The following UPF2 variants were observed in gnomAD, a reference collection of about 807,000 sequenced individuals.
UPF2 encodes the protein regulator of nonsense transcripts 2.
UPF2 carries 17 observed loss-of-function variants against 141.4 expected under a neutral mutation model. The ratio of observed to expected loss-of-function variants is 0.12; its 90% confidence interval spans 0.08 to 0.18. The LOEUF is 0.18. Ranked by LOEUF, UPF2 falls within the 10% of genes least tolerant of loss-of-function variation. UPF2 has a pLI of 1.00. For missense variants in UPF2, 1,152 were observed against 1,515.9 expected (o/e 0.76, Z 3.99); for synonymous variants, 540 against 498.0 (o/e 1.08, Z -1.12).
intron 12 of UPF2, among the ~76,000 whole-genome samples, chr10:11,958,828 G>A (rs186522415): frequency 3.9e-5 from 6 of 152,164 alleles, no homozygotes; most frequent in East Asian, 1.9e-4. Context: ...CTCTTATAAC[G>A]TCTACTAAAG....
chr10:12,029,094 A>G lies in UPF2; in HGVS notation c.796T>C (p.Leu266=), dbSNP rs1458137924. ...TPNITKLRTD[L]RFIAELTIVG... ...ATTGTCAATTCTGCAATAAAACGCA[A>G]ATCAGTTCTTAACTTGGTGATGTTA... Residue 266 remains leucine (L), a synonymous_variant, in exon 3 of 22, where the codon TTG becomes CTG. Coordinates refer to ENST00000357604, the MANE Select transcript of UPF2 (RefSeq NM_015542.4). The G allele has an allele frequency of 6.2e-7, 1 of 1,614,178 alleles. No homozygotes were observed. The highest frequency in any genetic ancestry group is 8.5e-7 in the Non-Finnish European group (1 of 1,180,030).
rs760384885 is a variant in UPF2, at chr10:12,016,237, A to G, written c.1146-2053T>C. ...AAAAAATTTTTTTTAATTTACTTTT[A>G]TTTTTTGTAGAGACGGGAGTCTGGC... On this transcript the variant is annotated intron_variant, in intron 3 of 21. Coordinates refer to ENST00000357604, the MANE Select transcript of UPF2 (RefSeq NM_015542.4). This position sits in a 1 kb window ranked among gnomAD's most constrained non-coding sequence, Gnocchi z 4.1. Among the ~76,000 whole-genome samples, 1 of 152,080 alleles carries G rather than the reference A, an allele frequency of 6.6e-6. No homozygotes were observed. The highest frequency in any genetic ancestry group is 1.5e-5 in the Non-Finnish European group (1 of 68,002).
chr10:11,948,434 C>G lies in UPF2; in HGVS notation c.3109G>C (p.Glu1037Gln). ...ENLEEDEEEE[E>Q]GGAETEEQSG... ...TGTTCTTCTGTTTCAGCCCCACCTT[C>G]TTCTTCTTCTTCATCCTCTTCAAGA... Residue 1037 changes from glutamate (E) to glutamine (Q), a missense_variant, in exon 16 of 22, where the codon GAA becomes CAA. Physicochemically the swap from Glu to Gln is conservative, Grantham distance 29 (BLOSUM62 2). Around this residue, in one of 4 missense-constraint regions of UPF2, gnomAD observed 202 missense variants for 223.6 expected, o/e 0.90. Transcript: ENST00000357604. The G allele has an allele frequency of 6.2e-7, 1 of 1,612,974 alleles. No individual in the cohort carries two copies. Among genetic ancestry groups the G allele is most frequent in the Non-Finnish European group, 8.5e-7 (1 of 1,179,738 alleles).
At chr10:12,041,333 G>A (rs959930021) in intron 1 of UPF2, among the ~76,000 whole-genome samples, 2 of 152,132 alleles carry the variant, frequency 1.3e-5, no homozygotes, top group African/African-American at 2.4e-5. Flanking sequence ...TTAGTTTGCT[G>A]AATACAATTA....
chr10:11,948,730 A>G (rs1359492397), intron 15 of UPF2, among the ~76,000 whole-genome samples: 1 of 152,232 alleles, frequency 6.6e-6, no homozygotes, highest in African/African-American at 2.4e-5. Context: ...AGCGAGAAAA[A>G]ATAAGTGTAT....
intron 18 of UPF2, among the ~76,000 whole-genome samples, chr10:11,937,567 G>C (rs1832869661): frequency 6.6e-6 from 1 of 152,200 alleles, no homozygotes; most frequent in South Asian, 2.1e-4. Flanking sequence ...AGGGAATCGA[G>C]GCAGGGGAAG....
In UPF2 at chr10:12,029,163, C is replaced by A. The variant is rs1263850249; in HGVS notation, c.727G>T (p.Val243Phe). ...CTTGCTTCAAAATGTTTTTTCCAGA[C>A]CTGAAGAAGTGATGGGGCAAAGTCA... ...YADFAPSLLQ[V>F]WKKHFEARKE... Residue 243 changes from valine (V) to phenylalanine (F), a missense_variant, in exon 3 of 22, where the codon GTC (valine) becomes TTC (phenylalanine). By Grantham distance (50) the Val-to-Phe change is conservative. Around this residue, in one of 4 missense-constraint regions of UPF2, gnomAD observed 739 missense variants for 1,032.2 expected, o/e 0.72. Coordinates refer to ENST00000357604, the MANE Select transcript of UPF2 (RefSeq NM_015542.4). The A allele has an allele frequency of 1.9e-6, 3 of 1,613,998 alleles. No individual in the cohort carries two copies. Among genetic ancestry groups the A allele is most frequent in the African/African-American group, 1.3e-5 (1 of 74,890 alleles).
At chr10:11,961,191 C>G (rs954644381) in intron 11 of UPF2, among the ~76,000 whole-genome samples, 1 of 151,586 alleles carries the variant, frequency 6.6e-6, no homozygotes, top group African/African-American at 2.4e-5. Flanking sequence ...TTCCTACTTA[C>G]AAGAAACTTA....
At chr10:12,038,378 TCACACACACA>T (rs200544672) in intron 1 of UPF2, among the ~76,000 whole-genome samples, 50 of 135,930 alleles carry the variant, frequency 3.7e-4, no homozygotes, top group South Asian at 7.5e-4. Flanking sequence ...AGACTCCATC[TCACACACACA>T]CACACACACA....
intron 8 of UPF2, among the ~76,000 whole-genome samples, chr10:11,981,404 C>T (rs773460058): frequency 2.7e-4 from 41 of 152,120 alleles, no homozygotes; most frequent in Non-Finnish European, 1.0e-4. Context: ...CTCACCATTG[C>T]AGAAATAAGG....
chr10:11,955,885 G>A (rs1833141067), intron 13 of UPF2, among the ~76,000 whole-genome samples: 1 of 152,192 alleles, frequency 6.6e-6, no homozygotes, highest in Non-Finnish European at 1.5e-5. Flanking sequence ...GCTCACGCCT[G>A]TAATCCCAGC....
At position 11,959,380 on chromosome 10, in the gene UPF2, T is replaced by G; in HGVS notation, c.2185-24A>C. ...TCCTGAAATAAAAAGTCCAAATTAATCAAAACACGTTCCTTCTAAGATTCC... is the reference window on the plus strand; with the variant it reads ...TCCTGAAATAAAAAGTCCAAATTAAGCAAAACACGTTCCTTCTAAGATTCC... On this transcript the variant is annotated intron_variant, in intron 11 of 21. Transcript: ENST00000357604. The surrounding 1 kb of genome is among the most constrained non-coding windows in gnomAD (Gnocchi z 5.9). 6.5e-7 allele frequency: 1 copy of G among 1,538,278 alleles called. No homozygotes were observed. The highest frequency in any genetic ancestry group is 8.7e-7 in the Non-Finnish European group (1 of 1,147,986).
chr10:12,038,179 T>C (rs1039946847), intron 1 of UPF2, among the ~76,000 whole-genome samples: 5 of 152,030 alleles, frequency 3.3e-5, no homozygotes, highest in Non-Finnish European at 7.3e-5. Flanking sequence ...AGTCAGGAGT[T>C]TGAGTCCAGC....
intron 4 of UPF2, 36 bp downstream of exon 4, chr10:12,013,988 G>A: frequency 6.9e-7 from 1 of 1,457,580 alleles, no homozygotes; most frequent in South Asian, 1.5e-5. Context: ...AGTGCTTACA[G>A]AAAACACAAT....
chr10:12,012,157 G>A (rs1420004430), intron 4 of UPF2, among the ~76,000 whole-genome samples: 1 of 150,266 alleles, frequency 6.7e-6, no homozygotes, highest in African/African-American at 2.4e-5. Context: ...CCGCCTCCCA[G>A]GTTCAAGCCA....
intron 8 of UPF2, among the ~76,000 whole-genome samples, chr10:11,989,081 A>T (rs528237559): frequency 6.6e-6 from 1 of 152,230 alleles, no homozygotes; most frequent in East Asian, 1.9e-4. Context: ...TTTTTGATCA[A>T]TAAAAATATA....
chr10:12,032,021 C>A (rs1834532757), intron 2 of UPF2, among the ~76,000 whole-genome samples: 1 of 152,108 alleles, frequency 6.6e-6, no homozygotes, highest in Admixed American at 6.5e-5. Flanking sequence ...AGGCTGGGTG[C>A]CGTGGCTCAC....
chr10:11,973,292 T>A (rs2131217661), intron 9 of UPF2, among the ~76,000 whole-genome samples: 1 of 152,296 alleles, frequency 6.6e-6, no homozygotes, highest in East Asian at 1.9e-4. Context: ...TAGCCCTTTG[T>A]CAGATGGGTA....
intron 8 of UPF2, among the ~76,000 whole-genome samples, chr10:11,987,727 A>G (rs895857335): frequency 2.3e-5 from 3 of 130,788 alleles, no homozygotes; most frequent in African/African-American, 8.8e-5. Flanking sequence ...ACACCACTGC[A>G]CTCCAGCCTG....
Sources: allele counts gnomAD v4.1 joint callset (sites outside exome capture counted in the v4.1 genomes callset), GRCh38; gene constraint gnomAD v4.1.1; regional missense constraint gnomAD v4.1.1; non-coding constraint Gnocchi (gnomAD v3.1); transcripts MANE v1.5; gene names NCBI Gene and HGNC (gene_info 2026-07-23, HGNC 2026-07-21).